Variants in KIAA0232 observed in about 807,000 individuals in gnomAD.
KIAA0232 encodes uncharacterized protein KIAA0232.
Under a neutral mutation model 122.0 loss-of-function variants are expected in KIAA0232, and 27 were observed. The observed-to-expected ratio is 0.22, with a 90% CI of 0.16 to 0.31. The LOEUF is 0.31. Among genes scored for constraint, KIAA0232 ranks in the 10% least tolerant of loss-of-function variants. The pLI, the probability that KIAA0232 is intolerant of heterozygous loss-of-function variation, is 1.00. For synonymous variants in KIAA0232, 613 were observed against 587.6 expected (o/e 1.04, Z -0.63); for missense variants, 1,551 against 1,634.2 (o/e 0.95, Z 0.88).
At chr4:6,868,300 C>G (rs1721291647) in intron 7 of KIAA0232, among the ~76,000 whole-genome samples, 1 of 152,120 alleles carries the variant, frequency 6.6e-6, no homozygotes, top group African/African-American at 2.4e-5. Context: ...TCTTATGTAC[C>G]TGCTCGGCCA....
intron 1 of KIAA0232, among the ~76,000 whole-genome samples, chr4:6,794,967 G>A (rs1200877615): frequency 6.6e-6 from 1 of 152,140 alleles, no homozygotes; most frequent in Non-Finnish European, 1.5e-5. Flanking sequence ...CAGGGTAGAG[G>A]GAAAGGATGG....
Position 6,821,545 on chromosome 4 carries a change from C to A in KIAA0232, c.-269-2640C>A, listed in dbSNP as rs907997482. 2.0e-5 allele frequency among the ~76,000 whole-genome samples: 3 copies of A among 151,980 alleles called. No individual in the cohort carries two copies. The East Asian group carries it at 5.8e-4, about 29-fold the overall frequency. ...GGTTCCATCAGGGTCACTGCAAATG[C>A]CATTACTTCGTTCCTTTTTGTGGCT... On this transcript the variant is annotated intron_variant, in intron 2 of 9. Coordinates refer to ENST00000307659, the MANE Select transcript of KIAA0232 (RefSeq NM_014743.3).
intron 7 of KIAA0232, among the ~76,000 whole-genome samples, chr4:6,867,314 G>A (rs1721237664): frequency 6.6e-6 from 1 of 152,176 alleles, no homozygotes. Context: ...TGAGTGTCCA[G>A]AGTAGAAGGA....
chr4:6,803,073 G>A (rs965791219), intron 1 of KIAA0232, among the ~76,000 whole-genome samples: 1 of 149,002 alleles, frequency 6.7e-6, no homozygotes, highest in South Asian at 2.1e-4. Context: ...CCCTGCTACT[G>A]TGGAAGGTGA....
chr4:6,790,346 G>A (rs1347571436), intron 1 of KIAA0232, among the ~76,000 whole-genome samples: 4 of 148,116 alleles, frequency 2.7e-5, no homozygotes, highest in Non-Finnish European at 6.0e-5. Flanking sequence ...TTTTTTTCAA[G>A]CCCTTCCTTT....
chr4:6,803,906 A>G lies in KIAA0232; in HGVS notation c.-353-617A>G, dbSNP rs573218895. On this transcript the variant is annotated intron_variant, in intron 1 of 9. Coordinates refer to ENST00000307659, the MANE Select transcript of KIAA0232 (RefSeq NM_014743.3). Reference sequence around the variant, plus strand: ...TCCTTATAGGGCTCTACAGATAGTCATTTTTGAGGGGAAAGGTTTTAATTA... The same window carrying G: ...TCCTTATAGGGCTCTACAGATAGTCGTTTTTGAGGGGAAAGGTTTTAATTA... Among the ~76,000 whole-genome samples the G allele has an allele frequency of 6.6e-5, 10 of 152,298 alleles. 1 individual carries two copies. Among genetic ancestry groups the G allele is most frequent in the African/African-American group, 2.2e-4 (9 of 41,566 alleles).
intron 8 of KIAA0232, among the ~76,000 whole-genome samples, chr4:6,874,102 G>C (rs1418004432): frequency 6.6e-6 from 1 of 152,218 alleles, no homozygotes; most frequent in African/African-American, 2.4e-5. Flanking sequence ...AGCTTGTTCA[G>C]GTAACCATAT....
chr4:6,813,513 C>A (rs970087869), intron 2 of KIAA0232, among the ~76,000 whole-genome samples: 39 of 152,104 alleles, frequency 2.6e-4, no homozygotes, highest in Middle Eastern at 3.4e-3. Flanking sequence ...CAGGTGCCTG[C>A]CACCACGCCC....
chr4:6,831,099 A>C (rs1718952130), intron 3 of KIAA0232, among the ~76,000 whole-genome samples: 1 of 151,930 alleles, frequency 6.6e-6, no homozygotes, highest in Non-Finnish European at 1.5e-5. Flanking sequence ...CCTGTCGCCC[A>C]GGCTGGAATG....
chr4:6,807,133 CAA>C (rs1212660551), intron 2 of KIAA0232, among the ~76,000 whole-genome samples: 1 of 151,978 alleles, frequency 6.6e-6, no homozygotes, highest in East Asian at 1.9e-4. Flanking sequence ...CGCCTGGGCT[CAA>C]GTGTTGTTCC....
rs115022203 is a variant in KIAA0232 at position 6,827,113 on chromosome 4, A to G, written c.231+2429A>G. On this transcript the variant is annotated intron_variant, in intron 3 of 9. Transcript: ENST00000307659. Reference sequence around the variant, plus strand: ...ATAAAAGGCCCTAAAATATTTTTCTACTTGGTCCAAAGTAACAGCCATGTG... The same window carrying G: ...ATAAAAGGCCCTAAAATATTTTTCTGCTTGGTCCAAAGTAACAGCCATGTG... 6.9e-3 allele frequency among the ~76,000 whole-genome samples: 1,047 copies of G among 152,316 alleles called. 9 individuals are homozygous for G. The highest frequency in any genetic ancestry group is 0.023 in the African/African-American group (951 of 41,570).
chr4:6,815,699 C>T (rs1198000394), intron 2 of KIAA0232, among the ~76,000 whole-genome samples: 3 of 152,112 alleles, frequency 2.0e-5, no homozygotes, highest in Non-Finnish European at 4.4e-5. Flanking sequence ...CTTTCTTTTC[C>T]TTGGTCCTCT....
At chr4:6,858,549 A>C in intron 6 of KIAA0232, 43 bp downstream of exon 6, 3 of 1,251,258 alleles carry the variant, frequency 2.4e-6, no homozygotes, top group Non-Finnish European at 3.4e-6. Flanking sequence ...CATTTGTTAA[A>C]ATCAGATGAA....
chr4:6,831,926 G>T (rs559516082), intron 3 of KIAA0232, among the ~76,000 whole-genome samples: 5 of 152,330 alleles, frequency 3.3e-5, no homozygotes, highest in African/African-American at 1.2e-4. Context: ...CCCCAGGAAG[G>T]AAGCAGCTGC....
In KIAA0232 at chr4:6,880,875, C is replaced by T. The variant is rs751449236; in HGVS notation, c.4097C>T (p.Ala1366Val). The T allele has an allele frequency of 1.9e-6, 3 of 1,607,194 alleles. No homozygotes were observed. The highest frequency in any genetic ancestry group is 8.5e-7 in the Non-Finnish European group (1 of 1,176,828). ...DGFRGKMCSS[A>V]SSTSEETGSE... is the part of the protein sequence containing the mutation. ...TTCCGCGGAAAGATGTGCTCCAGCG[C>T]CAGCTCCACCTCGGAAGAGACAGGC... The change falls in exon 10 of 10, where the codon GCC becomes GTC. Residue 1366 changes from alanine (A) to valine (V), a missense_variant. Transcript: ENST00000307659.
rs764032060 is a variant in KIAA0232 at position 6,862,833 on chromosome 4, A to T, written c.2451A>T (p.Gly817=). 6.2e-7 allele frequency: 1 copy of T among 1,614,178 alleles called. No individual in the cohort carries two copies. The highest frequency in any genetic ancestry group is 8.5e-7 in the Non-Finnish European group (1 of 1,180,034). The change falls in exon 7 of 10, where the codon GGA becomes GGT. Residue 817 remains glycine, a synonymous_variant. Transcript: ENST00000307659. ...AAGTATGTAATGAAAGTCCACATGG[A>T]GATGGCTACAGCTCAGGGGTTATTA... ...TTQVCNESPH[G]DGYSSGVIKD...
intron 3 of KIAA0232, among the ~76,000 whole-genome samples, chr4:6,825,787 G>C (rs771120822): frequency 2.6e-5 from 4 of 152,118 alleles, no homozygotes; most frequent in Non-Finnish European, 5.9e-5. Flanking sequence ...ACAGTAAAAA[G>C]AAGGAGGTAT....
rs1717528418 is a variant in KIAA0232 at position 6,804,556 on chromosome 4, A to G, written c.-320A>G. 6.6e-6 allele frequency: 1 copy of G among 152,070 alleles called. No individual in the cohort carries two copies. The highest frequency in any genetic ancestry group is 1.9e-4 in the East Asian group (1 of 5,194). The allele number at this position is 152,070 out of a possible 1,614,324, so 9.4% of individuals were successfully genotyped here. A position where few individuals can be genotyped will look rare whatever the true frequency, so the allele number is the denominator to read the frequency against. ...CACTGATAAAGGTAGGGCGCGGTGG[A>G]CTCTGCCCCTGTAACCGTTCCGGAG... On this transcript the variant is annotated 5_prime_UTR_variant, in exon 2 of 10. Transcript: ENST00000307659.
At chr4:6,818,399 C>T (rs1478200785) in intron 2 of KIAA0232, among the ~76,000 whole-genome samples, 1 of 81,928 alleles carries the variant, frequency 1.2e-5, no homozygotes, top group Admixed American at 1.4e-4. Context: ...GACTCCGTCT[C>T]AAAAAAAAAA....
Sources: allele counts gnomAD v4.1 joint callset (sites outside exome capture counted in the v4.1 genomes callset), GRCh38; gene constraint gnomAD v4.1.1; transcripts MANE v1.5; gene names NCBI Gene and HGNC (gene_info 2026-07-23, HGNC 2026-07-21).